Variants in KCNC1 observed in about 807,000 individuals in gnomAD.
The protein encoded by KCNC1 is voltage-gated potassium channel KCNC1.
In KCNC1, 8 loss-of-function variants were observed where a neutral mutation model predicts 43.4. The observed-to-expected ratio is 0.18, with a 90% CI of 0.11 to 0.33. The LOEUF is 0.33. Among genes scored for constraint, KCNC1 ranks in the 10% least tolerant of loss-of-function variants. KCNC1 has a pLI of 1.00. For missense variants in KCNC1, 420 were observed against 836.0 expected (o/e 0.50, Z 6.14); for synonymous variants, 361 against 360.5 (o/e 1.00, Z -0.01).
Position 17,773,172 on chromosome 11 carries a change from G to A in KCNC1, c.1504+574G>A, listed in dbSNP as rs1206746592. The A allele has an allele frequency of 6.1e-6, 6 of 986,464 alleles. No homozygotes were observed. The highest frequency in any genetic ancestry group is 4.7e-5 in the South Asian group (1 of 21,296). 61.1% of individuals were successfully genotyped at this position (986,464 alleles called of 1,614,324 possible). Reference sequence around the variant, plus strand: ...TGAGTAGAATTCCTGCCCTGATTTCGGGCTGCCCAGCTCGAGGTCCTTCCC... The same window carrying A: ...TGAGTAGAATTCCTGCCCTGATTTCAGGCTGCCCAGCTCGAGGTCCTTCCC... On this transcript the variant is annotated intron_variant, in intron 2 of 3. Coordinates refer to ENST00000265969, the MANE Select transcript of KCNC1 (RefSeq NM_001112741.2). This position sits in a 1 kb window ranked among gnomAD's most constrained non-coding sequence, Gnocchi z 4.1.
chr11:17,744,710 G>A (rs1848878369), intron 1 of KCNC1, among the ~76,000 whole-genome samples: 1 of 152,114 alleles, frequency 6.6e-6, no homozygotes, highest in Admixed American at 6.5e-5. Context: ...GGCTGCTGTG[G>A]GGAAGGGCGC....
chr11:17,768,761 C>G (rs925530944), intron 1 of KCNC1, among the ~76,000 whole-genome samples: 1 of 152,160 alleles, frequency 6.6e-6, no homozygotes, highest in African/African-American at 2.4e-5. Context: ...TGTGCTTGTT[C>G]CTCTCGTCCC....
intron 1 of KCNC1, among the ~76,000 whole-genome samples, chr11:17,746,563 C>A (rs1848902369): frequency 6.6e-6 from 1 of 152,110 alleles, no homozygotes; most frequent in Admixed American, 6.5e-5. Flanking sequence ...CCCTCCTTGT[C>A]CCCTTTCCTC....
chr11:17,778,986 T>C (rs1490855462), intron 2 of KCNC1, among the ~76,000 whole-genome samples: 3 of 151,942 alleles, frequency 2.0e-5, no homozygotes, highest in Admixed American at 2.0e-4. Context: ...TGGCTGGCTG[T>C]GGACGGGAGG....
In KCNC1 at chr11:17,773,563, AG is replaced by A. The variant is rs1222975458; in HGVS notation, c.1504+971del. ...TCCCGTGAATTCACTGGGGGCCGGGAGGGGGGAGGGGGGCATGAAACAATAC... is the reference window on the plus strand; with the variant it reads ...TCCCGTGAATTCACTGGGGGCCGGGAGGGGGAGGGGGGCATGAAACAATAC... On this transcript the variant is annotated intron_variant, in intron 2 of 3. Transcript: ENST00000265969. This position sits in a 1 kb window ranked among gnomAD's most constrained non-coding sequence, Gnocchi z 4.1. 2 of 356,462 alleles carry A rather than the reference AG, an allele frequency of 5.6e-6. No individual in the cohort carries two copies. Among genetic ancestry groups the A allele is most frequent in the South Asian group, 1.3e-4 (1 of 8,000 alleles). The allele number at this position is 356,462 out of a possible 1,614,324, so 22.1% of individuals were successfully genotyped here. A position where few individuals can be genotyped will look rare whatever the true frequency, so the allele number is the denominator to read the frequency against.
At chr11:17,768,267 A>G (rs767039027) in intron 1 of KCNC1, among the ~76,000 whole-genome samples, 5 of 152,194 alleles carry the variant, frequency 3.3e-5, no homozygotes, top group Non-Finnish European at 7.4e-5. Context: ...TTCCAGACAG[A>G]GACTGGCAGG....
intron 1 of KCNC1, among the ~76,000 whole-genome samples, chr11:17,768,666 G>A (rs1849185779): frequency 6.6e-6 from 1 of 152,032 alleles, no homozygotes; most frequent in Non-Finnish European, 1.5e-5. Context: ...GCAGTGAGGA[G>A]GGGAGGTGCC....
At chr11:17,762,972 T>C (rs1849095366) in intron 1 of KCNC1, among the ~76,000 whole-genome samples, 1 of 152,194 alleles carries the variant, frequency 6.6e-6, no homozygotes. Context: ...TTCCGGGATG[T>C]GTGCATTTTA....
intron 1 of KCNC1, among the ~76,000 whole-genome samples, chr11:17,767,545 G>C (rs1849168411): frequency 5.9e-5 from 9 of 152,140 alleles, no homozygotes; most frequent in Admixed American, 5.2e-4. Context: ...AGGGACCTGG[G>C]GCTTCGTTGC....
intron 1 of KCNC1, among the ~76,000 whole-genome samples, chr11:17,753,578 A>G (rs1590098058): frequency 6.6e-6 from 1 of 152,070 alleles, no homozygotes; most frequent in South Asian, 2.1e-4. Flanking sequence ...ATCGTTCCCG[A>G]CCTTTGAATA....
rs1813981916 is a variant in KCNC1, at chr11:17,773,820, A to G, written c.1504+1222A>G. 1.0e-6 allele frequency: 1 copy of G among 985,456 alleles called. No individual in the cohort carries two copies. The highest frequency in any genetic ancestry group is 4.7e-5 in the South Asian group (1 of 21,294). The allele number at this position is 985,456 out of a possible 1,614,324, so 61.0% of individuals were successfully genotyped here. A position where few individuals can be genotyped will look rare whatever the true frequency, so the allele number is the denominator to read the frequency against. Reference sequence around the variant, plus strand: ...AGAAGAATGACAGCACTGAGTAAGAAGGAGTGCCAGGTGAGCAGGAGGTTG... The same window carrying G: ...AGAAGAATGACAGCACTGAGTAAGAGGGAGTGCCAGGTGAGCAGGAGGTTG... On this transcript the variant is annotated intron_variant, in intron 2 of 3. Transcript: ENST00000265969. The surrounding 1 kb of genome is among the most constrained non-coding windows in gnomAD (Gnocchi z 4.1).
In KCNC1 at chr11:17,772,375, C is replaced by T; in HGVS notation, c.1281C>T (p.Thr427=). The T allele has an allele frequency of 6.2e-7, 1 of 1,614,206 alleles. No individual in the cohort carries two copies. The change falls in exon 2 of 4, where the codon ACC becomes ACT. Residue 427 remains threonine, a synonymous_variant. Coordinates refer to ENST00000265969, the MANE Select transcript of KCNC1 (RefSeq NM_001112741.2). ...GALCALAGVL[T]IAMPVPVIVN... The stretch of plus-strand genomic sequence containing the variant: ...TGTGTGCGCTGGCGGGCGTGCTCAC[C>T]ATCGCCATGCCCGTGCCCGTCATCG...
rs1848807386 is a variant in KCNC1, at chr11:17,739,234, T to C, written c.570+2662T>C. Reference sequence around the variant, plus strand: ...TCGTTATTCTAGATCTAGGCCAGCATGTTGTGTGTGATCTTGCATATGTGT... The same window carrying C: ...TCGTTATTCTAGATCTAGGCCAGCACGTTGTGTGTGATCTTGCATATGTGT... On this transcript the variant is annotated intron_variant, in intron 1 of 3. Coordinates refer to ENST00000265969, the MANE Select transcript of KCNC1 (RefSeq NM_001112741.2). The surrounding 1 kb of genome is among the most constrained non-coding windows in gnomAD (Gnocchi z 4.2). 6.6e-6 allele frequency among the ~76,000 whole-genome samples: 1 copy of C among 152,118 alleles called. No individual in the cohort carries two copies. The highest frequency in any genetic ancestry group is 6.5e-5 in the Admixed American group (1 of 15,270).
In KCNC1 at chr11:17,772,372, C is replaced by T. The variant is rs769341904; in HGVS notation, c.1278C>T (p.Leu426=). Residue 426 remains leucine (L), a synonymous_variant, in exon 2 of 4, where the codon CTC becomes CTT. Transcript: ENST00000265969. ...CTCTGTGTGCGCTGGCGGGCGTGCT[C>T]ACCATCGCCATGCCCGTGCCCGTCA... ...VGALCALAGV[L]TIAMPVPVIV... 26 of 1,614,020 alleles carry T rather than the reference C, an allele frequency of 1.6e-5. No individual in the cohort carries two copies. The highest frequency in any genetic ancestry group is 5.0e-5 in the Admixed American group (3 of 60,010).
chr11:17,735,922 C>T lies in KCNC1; in HGVS notation c.-81C>T. 7.3e-7 allele frequency: 1 copy of T among 1,372,122 alleles called. No homozygotes were observed. The highest frequency in any genetic ancestry group is 9.4e-7 in the Non-Finnish European group (1 of 1,068,572). 85.0% of individuals were successfully genotyped at this position (1,372,122 alleles called of 1,614,324 possible). A position where few individuals can be genotyped will look rare whatever the true frequency, so the allele number is the denominator to read the frequency against. On this transcript the variant is annotated 5_prime_UTR_variant, in exon 1 of 4. Coordinates refer to ENST00000265969, the MANE Select transcript of KCNC1 (RefSeq NM_001112741.2). This position sits in a 1 kb window ranked among gnomAD's most constrained non-coding sequence, Gnocchi z 6.7. ...GGGGAGGGGGGAAGAGGGCGCGCGCCCCCCTCCCCGGCGCCAACTCCCCCT... is the reference window on the plus strand; with the variant it reads ...GGGGAGGGGGGAAGAGGGCGCGCGCTCCCCTCCCCGGCGCCAACTCCCCCT...
In KCNC1 at chr11:17,742,859, C is replaced by A. The variant is rs1848857429; in HGVS notation, c.570+6287C>A. On this transcript the variant is annotated intron_variant, in intron 1 of 3. Transcript: ENST00000265969. The surrounding 1 kb of genome is among the most constrained non-coding windows in gnomAD (Gnocchi z 4.2). ...CTTTTGGCTCTCAGTTTTACAAGAA[C>A]ACCAAACCCCACCTGGGCGTGCTGT... is the stretch of plus-strand genomic sequence containing the variant. Among the ~76,000 whole-genome samples the A allele has an allele frequency of 6.6e-6, 1 of 152,184 alleles. No individual in the cohort carries two copies. Among genetic ancestry groups the A allele is most frequent in the African/African-American group, 2.4e-5 (1 of 41,450 alleles).
chr11:17,749,038 G>T (rs1271009215), intron 1 of KCNC1, among the ~76,000 whole-genome samples: 2 of 152,192 alleles, frequency 1.3e-5, no homozygotes, highest in African/African-American at 2.4e-5. Flanking sequence ...GTGCTCACAG[G>T]GTTCTCACTG....
At position 17,775,903 on chromosome 11, in the gene KCNC1, G is replaced by T. The variant is rs1042628772; in HGVS notation, c.1504+3305G>T. ...CCTCTGGGTTATCTTTGGCAAAGGG[G>T]TCTAAAGTCCCCTATCCCCAGCCCC... On this transcript the variant is annotated intron_variant, in intron 2 of 3. Transcript: ENST00000265969. 2.4e-5 allele frequency: 24 copies of T among 985,576 alleles called. No homozygotes were observed. The African/African-American group carries it at 3.8e-4, about 16-fold the overall frequency. 61.1% of individuals were successfully genotyped at this position (985,576 alleles called of 1,614,324 possible). A position where few individuals can be genotyped will look rare whatever the true frequency, so the allele number is the denominator to read the frequency against.
intron 1 of KCNC1, among the ~76,000 whole-genome samples, chr11:17,754,306 T>A (rs1849000110): frequency 6.6e-6 from 1 of 152,232 alleles, no homozygotes; most frequent in Non-Finnish European, 1.5e-5. Context: ...TGTCTATGGC[T>A]GGTTGAGTCA....
Sources: gnomAD v4.1 joint callset for allele counts (sites outside exome capture counted in the v4.1 genomes callset) on GRCh38, gnomAD v4.1.1 for gene constraint, Gnocchi (gnomAD v3.1) non-coding constraint, MANE v1.5 for transcripts, NCBI Gene and HGNC (gene_info 2026-07-23, HGNC 2026-07-21) for gene names.